DNAJC1: variants seen among roughly 807,000 people sequenced by gnomAD.
DNAJC1 encodes DnaJ heat shock protein family (Hsp40) member C1.
DNAJC1 carries 58 observed loss-of-function variants against 76.6 expected under a neutral mutation model. The ratio of observed to expected loss-of-function variants is 0.76; its 90% CI spans 0.61 to 0.94. The LOEUF (loss-of-function observed/expected upper bound fraction) is 0.94. Among genes scored for constraint, DNAJC1 ranks in the 40% least tolerant of loss-of-function variants. The pLI, the probability that DNAJC1 is intolerant of heterozygous loss-of-function variation, is 0.00. For synonymous variants in DNAJC1, 258 were observed against 267.9 expected, an observed-to-expected ratio of 0.96 and a Z score of 0.36; for missense variants, 689 against 677.3, an observed-to-expected ratio of 1.02 and a Z score of -0.19.
intron 8 of DNAJC1, among the ~76,000 whole-genome samples, chr10:21,808,539 T>C (rs1834917915): frequency 6.6e-6 from 1 of 152,312 alleles, no homozygotes; most frequent in African/African-American, 2.4e-5. Context: ...ATCTGAAATC[T>C]GAGAGAACCC....
At chr10:21,925,545 T>C (rs1837113727) in intron 3 of DNAJC1, among the ~76,000 whole-genome samples, 1 of 152,128 alleles carries the variant, frequency 6.6e-6, no homozygotes, top group Non-Finnish European at 1.5e-5. Flanking sequence ...CACATGTCCA[T>C]CAACTGGTGA....
At chr10:21,891,453 C>T (rs751654258) in intron 7 of DNAJC1, among the ~76,000 whole-genome samples, 3 of 140,618 alleles carry the variant, frequency 2.1e-5, no homozygotes, top group African/African-American at 7.9e-5. Context: ...ACATAAAGTG[C>T]CCAATCTGAA....
At chr10:21,961,428 A>C (rs980297407) in intron 1 of DNAJC1, among the ~76,000 whole-genome samples, 2 of 152,234 alleles carry the variant, frequency 1.3e-5, no homozygotes, top group African/African-American at 4.8e-5. Context: ...ACTACAGCAA[A>C]GATGAACCTT....
chr10:21,759,681 C>T (rs1266214040), intron 10 of DNAJC1, 63 bp from the exon 11 acceptor site: 8 of 1,512,920 alleles, frequency 5.3e-6, no homozygotes, highest in East Asian at 2.3e-5. Flanking sequence ...ACGGTGAGAA[C>T]AGCAGCTGCC....
chr10:21,854,501 A>C (rs916446753), intron 8 of DNAJC1, among the ~76,000 whole-genome samples: 16 of 152,276 alleles, frequency 1.1e-4, no homozygotes, highest in African/African-American at 3.8e-4. Context: ...AATTAATTTA[A>C]GTATCTGTTT....
At chr10:21,760,316 A>C (rs1834226516) in intron 10 of DNAJC1, among the ~76,000 whole-genome samples, 1 of 152,222 alleles carries the variant, frequency 6.6e-6, no homozygotes, top group African/African-American at 2.4e-5. Flanking sequence ...AAAAGCTTTA[A>C]ACCTTTTAAT....
chr10:21,872,755 G>A (rs921355398), intron 8 of DNAJC1, among the ~76,000 whole-genome samples: 1 of 152,154 alleles, frequency 6.6e-6, no homozygotes, highest in Non-Finnish European at 1.5e-5. Context: ...GAGAGAGCAG[G>A]TAAGAAATAT....
chr10:21,837,039 T>C (rs1459111409), intron 8 of DNAJC1, among the ~76,000 whole-genome samples: 1 of 152,188 alleles, frequency 6.6e-6, no homozygotes, highest in East Asian at 1.9e-4. Context: ...GCCTGCCGAG[T>C]GCCTGGGATT....
rs2131613652 is a variant in DNAJC1 at position 21,756,663 on chromosome 10, G to A, written c.*24C>T. On this transcript the variant is annotated 3_prime_UTR_variant, in exon 12 of 12. Transcript: ENST00000376980. ...TAAGATATTCATTTTGGAAAATGAAGGTGAACATCATCTCCCAGAATATTC... is the reference window on the plus strand; with the variant it reads ...TAAGATATTCATTTTGGAAAATGAAAGTGAACATCATCTCCCAGAATATTC... 1 of 1,576,212 alleles carries A rather than the reference G, an allele frequency of 6.3e-7. No homozygotes were observed. Among genetic ancestry groups the A allele is most frequent in the Non-Finnish European group, 8.7e-7 (1 of 1,146,284 alleles).
intron 7 of DNAJC1, among the ~76,000 whole-genome samples, chr10:21,891,472 T>C (rs1209427101): frequency 1.7e-4 from 3 of 17,762 alleles, no homozygotes; most frequent in Non-Finnish European, 4.0e-4. Context: ...AAAAACAAAG[T>C]AGACAAAAAA....
rs1836214108 is a variant in DNAJC1, at chr10:21,877,966, GA to G, written c.978+4315del. Among the ~76,000 whole-genome samples the G allele has an allele frequency of 2.0e-5, 3 of 152,064 alleles. 1 individual carries two copies. In the South Asian group the frequency reaches 6.2e-4, roughly 32 times the overall value. ...AAACTAGAGAAAACAAAATCTTAAG[GA>G]AAATACCTTTATAGTAATGTACTGT... On this transcript the variant is annotated intron_variant, in intron 8 of 11. Transcript: ENST00000376980.
At chr10:21,819,716 G>A (rs1835126394) in intron 8 of DNAJC1, among the ~76,000 whole-genome samples, 1 of 152,026 alleles carries the variant, frequency 6.6e-6, no homozygotes, top group Non-Finnish European at 1.5e-5. Flanking sequence ...GATCACCTGA[G>A]GTCAGGAGTT....
At chr10:21,946,276 G>A (rs899624300) in intron 1 of DNAJC1, among the ~76,000 whole-genome samples, 10 of 151,352 alleles carry the variant, frequency 6.6e-5, no homozygotes, top group East Asian at 3.9e-4. Flanking sequence ...TCCTGACCTC[G>A]TGATCTGCCC....
chr10:21,854,647 A>C (rs1422974996), intron 8 of DNAJC1, among the ~76,000 whole-genome samples: 1 of 152,172 alleles, frequency 6.6e-6, no homozygotes, highest in Admixed American at 6.5e-5. Context: ...AGTTGTTAGG[A>C]AGTGAAAAGC....
intron 7 of DNAJC1, among the ~76,000 whole-genome samples, chr10:21,891,569 GA>G (rs1836464155): frequency 6.6e-6 from 1 of 150,498 alleles, no homozygotes; most frequent in Admixed American, 6.6e-5. Flanking sequence ...CAGCAACAGA[GA>G]AACAAGACCT....
intron 8 of DNAJC1, among the ~76,000 whole-genome samples, chr10:21,811,293 T>G (rs1589990027): frequency 6.6e-6 from 1 of 152,358 alleles, no homozygotes; most frequent in East Asian, 1.9e-4. Context: ...CCACAGTTTC[T>G]TTTAGGCTCT....
At chr10:21,873,765 T>G (rs1836142628) in intron 8 of DNAJC1, among the ~76,000 whole-genome samples, 1 of 152,222 alleles carries the variant, frequency 6.6e-6, no homozygotes, top group African/African-American at 2.4e-5. Context: ...TTTAAAAACC[T>G]AATTCAAAAG....
At chr10:21,969,997 C>G (rs1004933254) in intron 1 of DNAJC1, among the ~76,000 whole-genome samples, 1 of 152,060 alleles carries the variant, frequency 6.6e-6, no homozygotes, top group Non-Finnish European at 1.5e-5. Context: ...TTCTTTACAC[C>G]TTAACCTACA....
chr10:21,791,221 A>G (rs963794173), intron 9 of DNAJC1, among the ~76,000 whole-genome samples: 1 of 152,216 alleles, frequency 6.6e-6, no homozygotes, highest in Non-Finnish European at 1.5e-5. Context: ...CCAACATTGG[A>G]GAAACCAGAT....
Sources: allele counts gnomAD v4.1 joint callset (sites outside exome capture counted in the v4.1 genomes callset), GRCh38; gene constraint gnomAD v4.1.1; transcripts MANE v1.5; gene names NCBI Gene and HGNC (gene_info 2026-07-23, HGNC 2026-07-21).